STAG1: variants seen among roughly 807,000 people sequenced by gnomAD.
The protein encoded by STAG1 is STAG1 cohesin complex component.
STAG1 carries 26 observed loss-of-function variants against 170.9 expected under a neutral mutation model. The observed-to-expected ratio is 0.15, with a 90% CI of 0.11 to 0.21. STAG1 has a LOEUF of 0.21. STAG1 is among the 10% of genes least tolerant of loss of function. The pLI is 1.00. For synonymous variants in STAG1, 514 were observed against 497.7 expected, an observed-to-expected ratio of 1.03 and a Z score of -0.44; for missense variants, 964 against 1,509.5, an observed-to-expected ratio of 0.64 and a Z score of 5.99.
chr3:136,534,683 A>C (rs1935538528), intron 6 of STAG1, among the ~76,000 whole-genome samples: 2 of 152,214 alleles, frequency 1.3e-5, no homozygotes, highest in Admixed American at 1.3e-4. Flanking sequence ...AATACAAATT[A>C]AATGGGCAAT....
chr3:136,344,437 CT>C (rs1936131473), intron 29 of STAG1, among the ~76,000 whole-genome samples: 1 of 152,078 alleles, frequency 6.6e-6, no homozygotes, highest in Non-Finnish European at 1.5e-5. Context: ...CAATTAAAGT[CT>C]GACTGGCTTT....
intron 6 of STAG1, among the ~76,000 whole-genome samples, chr3:136,527,330 C>G (rs1935089473): frequency 6.6e-6 from 1 of 152,200 alleles, no homozygotes; most frequent in African/African-American, 2.4e-5. Flanking sequence ...TTTCTCGCTT[C>G]ATTTCATTCA....
chr3:136,631,025 T>C, intron 1 of STAG1, 44 bp from the exon 2 acceptor site: 1 of 943,604 alleles, frequency 1.1e-6, no homozygotes, highest in Non-Finnish European at 1.6e-6. Context: ...AAAATGAGGA[T>C]GACAAAATTC....
chr3:136,670,974 T>C lies in STAG1; in HGVS notation c.-83-39993A>G, dbSNP rs554189540. On this transcript the variant is annotated intron_variant, in intron 1 of 33. Coordinates refer to ENST00000383202, the MANE Select transcript of STAG1 (RefSeq NM_005862.3). ...AGTGAAGAGGCTCTTAATATTTTAA[T>C]GAGATTTTCTCTTTAAAAGGAAAGT... Among the ~76,000 whole-genome samples, 375 of 152,272 alleles carry C rather than the reference T, an allele frequency of 2.5e-3. 2 individuals are homozygous for C. Among genetic ancestry groups the C allele is most frequent in the African/African-American group, 8.4e-3 (348 of 41,550 alleles).
intron 28 of STAG1, among the ~76,000 whole-genome samples, chr3:136,352,448 C>T (rs941922767): frequency 2.0e-5 from 3 of 152,184 alleles, no homozygotes; most frequent in African/African-American, 7.2e-5. Flanking sequence ...GTGTGAGCCA[C>T]AGCGCCTGGC....
chr3:136,520,344 A>C (rs910466574), intron 7 of STAG1, among the ~76,000 whole-genome samples: 2 of 152,108 alleles, frequency 1.3e-5, no homozygotes, highest in Admixed American at 6.6e-5. Flanking sequence ...TGCAAAATGA[A>C]ATGTAACTAA....
In STAG1 at chr3:136,578,492, A is replaced by G. The variant is rs1937524867; in HGVS notation, c.298-9631T>C. On this transcript the variant is annotated intron_variant, in intron 4 of 33. Transcript: ENST00000383202. ...TCTCACCAGTCTCCAGACCTGTCTC[A>G]GTTCACAGACCCAGAGCCCCCTGAC... Among the ~76,000 whole-genome samples the G allele has an allele frequency of 5.3e-5, 8 of 152,236 alleles. 1 individual carries two copies. Among genetic ancestry groups the G allele is most frequent in the Admixed American group, 5.2e-4 (8 of 15,282 alleles).
At chr3:136,510,399 C>T (rs1454014149) in intron 7 of STAG1, among the ~76,000 whole-genome samples, 8 of 151,808 alleles carry the variant, frequency 5.3e-5, no homozygotes, top group East Asian at 1.9e-4. Context: ...AAGTGATTCT[C>T]GTGCCTCAGC....
intron 1 of STAG1, among the ~76,000 whole-genome samples, chr3:136,695,521 G>A (rs1942859653): frequency 6.6e-6 from 1 of 151,674 alleles, no homozygotes; most frequent in African/African-American, 2.4e-5. Flanking sequence ...ACTTTCGCAT[G>A]CCTTTGAACC....
At chr3:136,567,735 C>CAA (rs1475225615) in intron 5 of STAG1, among the ~76,000 whole-genome samples, 1 of 152,124 alleles carries the variant, frequency 6.6e-6, no homozygotes, top group Non-Finnish European at 1.5e-5. Flanking sequence ...TCTCAGTTTG[C>CAA]AATGTACAAG....
chr3:136,433,207 A>G (rs531786390), intron 16 of STAG1, among the ~76,000 whole-genome samples: 94 of 152,218 alleles, frequency 6.2e-4, no homozygotes, highest in African/African-American at 2.1e-3. Flanking sequence ...TCATTCATCT[A>G]TCTAAAGATT....
rs143770449 is a variant in STAG1 at position 136,453,287 on chromosome 3, C to T, written c.1314-1140G>A. Among the ~76,000 whole-genome samples, 5 of 152,006 alleles carry T rather than the reference C, an allele frequency of 3.3e-5. 1 individual carries two copies. The East Asian group carries it at 5.8e-4, about 18-fold the overall frequency. On this transcript the variant is annotated intron_variant, in intron 13 of 33. Transcript: ENST00000383202. ...TTTAATTTGTTTAGATTTATTCTAA[C>T]AAAACTTAAAAACTGCTAAGTTGGC...
intron 1 of STAG1, among the ~76,000 whole-genome samples, chr3:136,706,125 T>C (rs971838430): frequency 2.0e-5 from 3 of 152,126 alleles, no homozygotes; most frequent in African/African-American, 7.2e-5. Flanking sequence ...GGGAGCTTAA[T>C]GTGATAAGAT....
At chr3:136,378,519 T>C (rs1937739884) in intron 22 of STAG1, among the ~76,000 whole-genome samples, 1 of 152,044 alleles carries the variant, frequency 6.6e-6, no homozygotes, top group Non-Finnish European at 1.5e-5. Flanking sequence ...ACACAGAAAA[T>C]TAGCCGCGCA....
At chr3:136,418,953 C>G (rs368775798) in intron 20 of STAG1, among the ~76,000 whole-genome samples, 63 of 152,118 alleles carry the variant, frequency 4.1e-4, no homozygotes, top group African/African-American at 1.5e-3. Context: ...TTTAAAAGTA[C>G]ATTTTAAAGA....
intron 5 of STAG1, among the ~76,000 whole-genome samples, chr3:136,564,965 G>GGAAGGAAT (rs1457806103): frequency 4.4e-5 from 2 of 45,186 alleles, no homozygotes; most frequent in Non-Finnish European, 8.7e-5. Context: ...ATGTGTATGA[G>GGAAGGAAT]GAAGGAAGGA....
chr3:136,713,807 G>A (rs867218516), intron 1 of STAG1, among the ~76,000 whole-genome samples: 1 of 152,194 alleles, frequency 6.6e-6, no homozygotes, highest in Non-Finnish European at 1.5e-5. Context: ...CAGATTACCT[G>A]AGGTCAGAAA....
intron 13 of STAG1, among the ~76,000 whole-genome samples, chr3:136,464,227 C>A (rs1465179190): frequency 6.6e-6 from 1 of 151,570 alleles, no homozygotes. Context: ...AGTTCGACAC[C>A]GGCCTGACCA....
chr3:136,396,493 T>C (rs1404558362), intron 22 of STAG1, among the ~76,000 whole-genome samples: 1 of 147,544 alleles, frequency 6.8e-6, no homozygotes, highest in East Asian at 2.0e-4. Flanking sequence ...AGTGTTGGGA[T>C]TACAGGCGTG....
Sources: allele counts gnomAD v4.1 joint callset (sites outside exome capture counted in the v4.1 genomes callset), GRCh38; gene constraint gnomAD v4.1.1; transcripts MANE v1.5; gene names NCBI Gene and HGNC (gene_info 2026-07-23, HGNC 2026-07-21).